The following RAB21 variants were observed in gnomAD, a reference collection of about 807,000 sequenced individuals.
The protein encoded by RAB21 is ras-related protein Rab-21.
A neutral mutation model predicts 33.1 loss-of-function variants in RAB21; 13 were observed. The observed-to-expected ratio is 0.39, with a 90% CI of 0.26 to 0.62. The LOEUF is 0.62. Among genes scored for constraint, RAB21 ranks in the 20% least tolerant of loss-of-function variants. RAB21 has a pLI of 0.48. For synonymous variants in RAB21, 91 were observed against 103.7 expected (o/e 0.88, Z 0.74); for missense variants, 234 against 279.1 (o/e 0.84, Z 1.15).
chr12:71,773,464 G>C (rs990342041), intron 3 of RAB21, among the ~76,000 whole-genome samples: 2 of 152,144 alleles, frequency 1.3e-5, no homozygotes, highest in Non-Finnish European at 2.9e-5. Context: ...TACACTAAAT[G>C]ATTGAATTAT....
intron 4 of RAB21, among the ~76,000 whole-genome samples, chr12:71,779,562 C>T (rs1179577394): frequency 6.6e-6 from 1 of 152,212 alleles, no homozygotes; most frequent in Non-Finnish European, 1.5e-5. Context: ...CACTGTGCCC[C>T]ACAACCATTC....
Position 71,796,446 on chromosome 12 carries a change from T to G in RAB21, c.*10773T>G, listed in dbSNP as rs192933586. On this transcript the variant is annotated 3_prime_UTR_variant, in exon 7 of 7. Transcript: ENST00000261263. ...AATAGCCTGAGGAATAAATATGTGC[T>G]TTATCAAAGTGGAACTTCTGATTTT... The G allele has an allele frequency of 1.4e-5, 2 of 137,996 alleles. 1 individual carries two copies. The highest frequency in any genetic ancestry group is 1.5e-4 in the Admixed American group (2 of 13,432). 8.5% of individuals were successfully genotyped at this position (137,996 alleles called of 1,614,324 possible).
At chr12:71,779,111 G>A (rs370170963) in intron 4 of RAB21, among the ~76,000 whole-genome samples, 21 of 152,262 alleles carry the variant, frequency 1.4e-4, no homozygotes, top group African/African-American at 5.1e-4. Flanking sequence ...TGCAAGGTTT[G>A]TTAGCGACAC....
In RAB21 at chr12:71,755,721, A is replaced by G. The variant is rs1182542920; in HGVS notation, c.159+433A>G. On this transcript the variant is annotated intron_variant, in intron 1 of 6. Transcript: ENST00000261263. ...GTAACTTCAGCGCTTACTGATGACT[A>G]AGTGTTTATGCAAGTTCCATTTTGT... is the stretch of plus-strand genomic sequence containing the variant. Among the ~76,000 whole-genome samples the G allele has an allele frequency of 2.6e-5, 4 of 152,186 alleles. No individual in the cohort carries two copies. In the South Asian group the frequency reaches 6.2e-4, roughly 24 times the overall value.
intron 4 of RAB21, among the ~76,000 whole-genome samples, chr12:71,778,733 A>C (rs1466422284): frequency 6.6e-6 from 1 of 152,238 alleles, no homozygotes; most frequent in African/African-American, 2.4e-5. Flanking sequence ...GAGTGCTATG[A>C]GAGCACAAAA....
intron 4 of RAB21, among the ~76,000 whole-genome samples, chr12:71,778,065 A>G (rs1463339610): frequency 1.3e-5 from 2 of 152,166 alleles, no homozygotes; most frequent in African/African-American, 4.8e-5. Context: ...TAGAAATTTC[A>G]GTTTGTCATG....
chr12:71,793,138 G>A lies in RAB21; in HGVS notation c.*7465G>A, dbSNP rs1315368191. ...ATGCCTCCTGCTTATTTAGACAGCA[G>A]CCATTTTTGTTTGGTTTGGTTTGGT... On this transcript the variant is annotated 3_prime_UTR_variant, in exon 7 of 7. Transcript: ENST00000261263. 1 of 152,118 alleles carries A rather than the reference G, an allele frequency of 6.6e-6. No individual in the cohort carries two copies. Among genetic ancestry groups the A allele is most frequent in the Non-Finnish European group, 1.5e-5 (1 of 67,990 alleles). 9.4% of individuals were successfully genotyped at this position (152,118 alleles called of 1,614,324 possible).
chr12:71,800,172 A>G lies in RAB21; in HGVS notation c.*14499A>G, dbSNP rs1883520255. The stretch of plus-strand genomic sequence containing the variant: ...ATAATTAACACATCCATCATTCCAC[A>G]AAATTTCCTTACACTTTCTTGTAAT... On this transcript the variant is annotated 3_prime_UTR_variant, in exon 7 of 7. Coordinates refer to ENST00000261263, the MANE Select transcript of RAB21 (RefSeq NM_014999.4). 6.6e-6 allele frequency: 1 copy of G among 152,144 alleles called. No homozygotes were observed. The highest frequency in any genetic ancestry group is 1.5e-5 in the Non-Finnish European group (1 of 68,030). 9.4% of individuals were successfully genotyped at this position (152,144 alleles called of 1,614,324 possible).
At chr12:71,767,241 C>T (rs1008250116) in intron 1 of RAB21, among the ~76,000 whole-genome samples, 2 of 151,964 alleles carry the variant, frequency 1.3e-5, no homozygotes, top group African/African-American at 2.4e-5. Flanking sequence ...TCCATAGTTC[C>T]TTAATGGAGA....
At chr12:71,782,354 G>A in intron 5 of RAB21, 1 of 518,764 alleles carries the variant, frequency 1.9e-6, no homozygotes, top group Non-Finnish European at 3.4e-6. Context: ...TGAAGTATTT[G>A]AGTCCCAAAT....
chr12:71,795,896 G>A lies in RAB21; in HGVS notation c.*10223G>A, dbSNP rs1437671126. ...TTTTCAAGATAATTTTGCTGTTTTT[G>A]CTTTTTATTTATTTGCAACTAGAAA... On this transcript the variant is annotated 3_prime_UTR_variant, in exon 7 of 7. Transcript: ENST00000261263. The A allele has an allele frequency of 7.3e-6, 1 of 137,486 alleles. No individual in the cohort carries two copies. Among genetic ancestry groups the A allele is most frequent in the Non-Finnish European group, 1.5e-5 (1 of 65,950 alleles). The allele number at this position is 137,486 out of a possible 1,614,324, so 8.5% of individuals were successfully genotyped here. A position where few individuals can be genotyped will look rare whatever the true frequency, so the allele number is the denominator to read the frequency against.
At chr12:71,767,878 T>C (rs1882985283) in intron 1 of RAB21, among the ~76,000 whole-genome samples, 1 of 152,162 alleles carries the variant, frequency 6.6e-6, no homozygotes, top group Admixed American at 6.5e-5. Context: ...TTGTTTTTTT[T>C]CCATGTGGCA....
At chr12:71,766,553 C>T (rs1882963438) in intron 1 of RAB21, among the ~76,000 whole-genome samples, 2 of 151,994 alleles carry the variant, frequency 1.3e-5, no homozygotes, top group South Asian at 2.1e-4. Context: ...GCTGTAGAAA[C>T]GTTAAATAAA....
In RAB21 at chr12:71,787,111, C is replaced by T. The variant is rs1205513703; in HGVS notation, c.*1438C>T. Reference sequence around the variant, plus strand: ...TTGTTCATTGCTTGCCAGAGATGAACACAGAATGTTCTGTTTCATTTTACA... The same window carrying T: ...TTGTTCATTGCTTGCCAGAGATGAATACAGAATGTTCTGTTTCATTTTACA... On this transcript the variant is annotated 3_prime_UTR_variant, in exon 7 of 7. Transcript: ENST00000261263. 3 of 152,176 alleles carry T rather than the reference C, an allele frequency of 2.0e-5. No individual in the cohort carries two copies. The highest frequency in any genetic ancestry group is 1.9e-4 in the East Asian group (1 of 5,192). The allele number at this position is 152,176 out of a possible 1,614,324, so 9.4% of individuals were successfully genotyped here.
Position 71,794,418 on chromosome 12 carries a change from TATATATA to T in RAB21, c.*8746_*8752del, listed in dbSNP as rs1883432929. 1.9e-5 allele frequency: 1 copy of T among 52,986 alleles called. No homozygotes were observed. Among genetic ancestry groups the T allele is most frequent in the African/African-American group, 1.1e-4 (1 of 8,802 alleles). 3.3% of individuals were successfully genotyped at this position (52,986 alleles called of 1,614,324 possible). A position where few individuals can be genotyped will look rare whatever the true frequency, so the allele number is the denominator to read the frequency against. ...ACCATATATATATTATATATATATA[TATATATA>T]TATTTTTTTTTTTTTTTTTTTTTTT... is the stretch of plus-strand genomic sequence containing the variant. On this transcript the variant is annotated 3_prime_UTR_variant, in exon 7 of 7. Coordinates refer to ENST00000261263, the MANE Select transcript of RAB21 (RefSeq NM_014999.4).
At chr12:71,757,173 A>G (rs528626028) in intron 1 of RAB21, among the ~76,000 whole-genome samples, 15 of 152,228 alleles carry the variant, frequency 9.9e-5, no homozygotes, top group Non-Finnish European at 1.8e-4. Flanking sequence ...AAGTGCAGCA[A>G]TTTCCACTCA....
At chr12:71,773,055 A>G (rs1333482742) in intron 3 of RAB21, among the ~76,000 whole-genome samples, 1 of 152,268 alleles carries the variant, frequency 6.6e-6, no homozygotes, top group Non-Finnish European at 1.5e-5. Context: ...TTATAAGTTC[A>G]GTGTGATTTG....
chr12:71,796,997 AT>A lies in RAB21; in HGVS notation c.*11325del, dbSNP rs1188990538. The A allele has an allele frequency of 6.6e-6, 1 of 152,228 alleles. No individual in the cohort carries two copies. The highest frequency in any genetic ancestry group is 1.5e-5 in the Non-Finnish European group (1 of 68,036). The allele number at this position is 152,228 out of a possible 1,614,324, so 9.4% of individuals were successfully genotyped here. ...GGTGGTATTGAGAAAAGTGGTGGAAATAAATACATTGAGCAGATTCAGAATT... is the reference window on the plus strand; with the variant it reads ...GGTGGTATTGAGAAAAGTGGTGGAAAAAATACATTGAGCAGATTCAGAATT... On this transcript the variant is annotated 3_prime_UTR_variant, in exon 7 of 7. Coordinates refer to ENST00000261263, the MANE Select transcript of RAB21 (RefSeq NM_014999.4).
chr12:71,769,893 G>A, intron 2 of RAB21, 34 bp downstream of exon 2: 1 of 1,190,042 alleles, frequency 8.4e-7, no homozygotes, highest in Non-Finnish European at 1.1e-6. Context: ...ATGCGTGGAG[G>A]CTTCTTCCTT....
Sources: gnomAD v4.1 joint callset for allele counts (sites outside exome capture counted in the v4.1 genomes callset) on GRCh38, gnomAD v4.1.1 for gene constraint, MANE v1.5 for transcripts, NCBI Gene and HGNC (gene_info 2026-07-23, HGNC 2026-07-21) for gene names.